Variants in ZNF827 observed in about 807,000 individuals in gnomAD.
ZNF827 encodes zinc finger protein 827.
ZNF827 carries 13 observed loss-of-function variants against 102.4 expected under a neutral mutation model. The observed-to-expected ratio is 0.13, with a 90% CI of 0.08 to 0.20. The LOEUF is 0.20. Ranked by LOEUF, ZNF827 falls within the 10% of genes least tolerant of loss-of-function variation. The probability of loss-of-function intolerance (pLI) is 1.00; values close to 1 mark genes in which losing one functional copy is unlikely to be tolerated. For synonymous variants in ZNF827, 523 were observed against 536.2 expected (o/e 0.98, Z 0.34); for missense variants, 1,103 against 1,344.4 (o/e 0.82, Z 2.81).
intron 7 of ZNF827, chr4:145,839,246 C>T (rs1208812488): frequency 6.6e-6 from 1 of 152,106 alleles, no homozygotes; most frequent in Non-Finnish European, 1.5e-5. Flanking sequence ...ACTGTGGAGC[C>T]CGGAAACTTC....
intron 1 of ZNF827, among the ~76,000 whole-genome samples, 196 bp downstream of exon 1, chr4:145,938,169 G>T (rs1754375082): frequency 6.6e-6 from 1 of 151,924 alleles, no homozygotes; most frequent in South Asian, 2.1e-4. Flanking sequence ...GAATAGAAAG[G>T]GCACGGGGCT....
chr4:145,770,553 A>G lies in ZNF827; in HGVS notation c.2860+3953T>C, dbSNP rs573753889. On this transcript the variant is annotated intron_variant, in intron 11 of 14. Coordinates refer to ENST00000508784, the MANE Select transcript of ZNF827 (RefSeq NM_001306215.2). ...GAACAATGTCTGGATCATGGTAAGC[A>G]TTATAGAAAATATTATTATTCTATT... Among the ~76,000 whole-genome samples the G allele has an allele frequency of 8.4e-4, 128 of 151,650 alleles. 2 individuals are homozygous for G. The highest frequency in any genetic ancestry group is 2.9e-3 in the African/African-American group (119 of 41,478).
At chr4:145,901,222 T>A (rs1751382994) in intron 2 of ZNF827, among the ~76,000 whole-genome samples, 1 of 152,200 alleles carries the variant, frequency 6.6e-6, no homozygotes, top group Admixed American at 6.5e-5. Context: ...TTTGTACCGA[T>A]GAGGATGCAC....
intron 1 of ZNF827, among the ~76,000 whole-genome samples, chr4:145,909,387 A>G (rs187422907): frequency 2.4e-3 from 372 of 152,338 alleles, no homozygotes; most frequent in Non-Finnish European, 3.4e-3. Flanking sequence ...ATCAGATAGG[A>G]TGTCGAAAGC....
chr4:145,901,882 GA>G (rs1358453658), intron 2 of ZNF827, among the ~76,000 whole-genome samples: 3 of 151,958 alleles, frequency 2.0e-5, no homozygotes, highest in Non-Finnish European at 4.4e-5. Flanking sequence ...GACCTAGCCT[GA>G]ACTTAGTAAG....
intron 1 of ZNF827, among the ~76,000 whole-genome samples, chr4:145,914,287 C>T (rs780263800): frequency 1.3e-5 from 2 of 152,170 alleles, no homozygotes; most frequent in African/African-American, 2.4e-5. Context: ...TGCTTAAATA[C>T]GTATAAAACA....
intron 5 of ZNF827, among the ~76,000 whole-genome samples, chr4:145,864,806 C>A (rs2126732221): frequency 6.6e-6 from 1 of 152,216 alleles, no homozygotes; most frequent in East Asian, 1.9e-4. Context: ...GAACTAAGTA[C>A]AAATTGGCCT....
intron 8 of ZNF827, among the ~76,000 whole-genome samples, chr4:145,793,981 C>A (rs1351360400): frequency 6.6e-6 from 1 of 152,150 alleles, no homozygotes; most frequent in East Asian, 1.9e-4. Flanking sequence ...CCCTCTTCAC[C>A]TCATCCCCCT....
chr4:145,855,714 G>A (rs1038686533), intron 5 of ZNF827, among the ~76,000 whole-genome samples: 1 of 152,220 alleles, frequency 6.6e-6, no homozygotes, highest in East Asian at 1.9e-4. Flanking sequence ...AAAAGGAAAT[G>A]TTTATTCCAC....
chr4:145,839,946 T>A (rs1745255605), intron 7 of ZNF827, among the ~76,000 whole-genome samples: 1 of 152,176 alleles, frequency 6.6e-6, no homozygotes, highest in Non-Finnish European at 1.5e-5. Context: ...CACAGAACCA[T>A]TCTGGAAGCA....
chr4:145,849,535 C>G lies in ZNF827; in HGVS notation c.2008G>C (p.Val670Leu). ...SAESYKETQMVKIKEEPMEVD... is the reference protein window; with the variant it reads ...SAESYKETQMLKIKEEPMEVD... ...TCCATGGGTTCCTCTTTAATCTTCA[C>G]CATCTGTGTTTCCTTGTAGCTTTCC... The change falls in exon 6 of 15, where the codon GTG (valine) becomes CTG (leucine). Residue 670 changes from valine to leucine, a missense_variant. Coordinates refer to ENST00000508784, the MANE Select transcript of ZNF827 (RefSeq NM_001306215.2). 3 of 1,614,156 alleles carry G rather than the reference C, an allele frequency of 1.9e-6. No individual in the cohort carries two copies. Among genetic ancestry groups the G allele is most frequent in the Non-Finnish European group, 2.5e-6 (3 of 1,180,026 alleles).
chr4:145,835,768 G>A (rs13111644), intron 7 of ZNF827, among the ~76,000 whole-genome samples: 37,961 of 93,802 alleles, frequency 0.4, 8,752 homozygotes, highest in East Asian at 0.76. Flanking sequence ...AAAAGGATTA[G>A]AGCCTGTTAT....
intron 8 of ZNF827, among the ~76,000 whole-genome samples, chr4:145,800,050 A>AT (rs886254588): frequency 1.3e-5 from 2 of 152,036 alleles, no homozygotes; most frequent in Non-Finnish European, 2.9e-5. Context: ...ACATACAATA[A>AT]TTTTTTCATG....
At chr4:145,916,511 T>C (rs944739485) in intron 1 of ZNF827, among the ~76,000 whole-genome samples, 3 of 152,192 alleles carry the variant, frequency 2.0e-5, no homozygotes, top group African/African-American at 7.2e-5. Flanking sequence ...GGGCCTGTGA[T>C]GGAAGGGGAG....
chr4:145,781,120 C>T (rs1324285537), intron 8 of ZNF827, among the ~76,000 whole-genome samples: 8 of 147,776 alleles, frequency 5.4e-5, no homozygotes, highest in Non-Finnish European at 1.2e-4. Flanking sequence ...GGCGTGAACC[C>T]GGGAGGTGGA....
chr4:145,933,705 A>G (rs1352114501), intron 1 of ZNF827, among the ~76,000 whole-genome samples: 3 of 151,896 alleles, frequency 2.0e-5, no homozygotes, highest in Non-Finnish European at 4.4e-5. Context: ...TAAATTTCCA[A>G]TGGTAAATAT....
chr4:145,766,552 C>A lies in ZNF827; in HGVS notation c.2861-814G>T, dbSNP rs111704545. ...GTGGAACCTGACAGACTCCGAGTGG[C>A]GGATACAGAGCTGAGGGTCTGACCA... is the stretch of plus-strand genomic sequence containing the variant. On this transcript the variant is annotated intron_variant, in intron 11 of 14. Coordinates refer to ENST00000508784, the MANE Select transcript of ZNF827 (RefSeq NM_001306215.2). 1.7e-3 allele frequency among the ~76,000 whole-genome samples: 253 copies of A among 152,180 alleles called. 1 individual carries two copies. Among genetic ancestry groups the A allele is most frequent in the African/African-American group, 5.8e-3 (239 of 41,518 alleles).
intron 8 of ZNF827, among the ~76,000 whole-genome samples, chr4:145,812,535 ATTTATTTT>A (rs1344812153): frequency 1.5e-4 from 19 of 125,254 alleles, no homozygotes; most frequent in Non-Finnish European, 3.2e-4. Flanking sequence ...TTATTTATTT[ATTTATTTT>A]TTGAGATGGT....
chr4:145,825,972 A>C (rs1048371539), intron 7 of ZNF827, among the ~76,000 whole-genome samples: 2 of 152,238 alleles, frequency 1.3e-5, no homozygotes, highest in Admixed American at 6.5e-5. Context: ...TATCGGGCAA[A>C]GAATCAATGG....
Sources: allele counts gnomAD v4.1 joint callset (sites outside exome capture counted in the v4.1 genomes callset), GRCh38; gene constraint gnomAD v4.1.1; transcripts MANE v1.5; gene names NCBI Gene and HGNC (gene_info 2026-07-23, HGNC 2026-07-21).